CACNA2D3: variants seen among roughly 807,000 people sequenced by gnomAD.
CACNA2D3 encodes the protein voltage-dependent calcium channel subunit alpha-2/delta-3.
Under a neutral mutation model 160.6 loss-of-function variants are expected in CACNA2D3, and 60 were observed. The observed-to-expected ratio is 0.37, with a 90% CI of 0.30 to 0.46. The LOEUF is 0.46. Among genes scored for constraint, CACNA2D3 ranks in the 20% least tolerant of loss-of-function variants. The pLI, the probability that CACNA2D3 is intolerant of heterozygous loss-of-function variation, is 1.00. For synonymous variants in CACNA2D3, 558 were observed against 492.9 expected (o/e 1.13, Z -1.75); for missense variants, 1,205 against 1,365.0 (o/e 0.88, Z 1.85).
intron 11 of CACNA2D3, among the ~76,000 whole-genome samples, chr3:54,749,158 A>C (rs1348007902): frequency 1.3e-5 from 2 of 152,200 alleles, no homozygotes; most frequent in Admixed American, 1.3e-4. Context: ...AAATGGTATA[A>C]AATTTATGAA....
intron 14 of CACNA2D3, 128 bp from the exon 15 acceptor site, chr3:54,837,031 G>A: frequency 3.9e-6 from 3 of 764,478 alleles, no homozygotes; most frequent in Non-Finnish European, 6.9e-6. Flanking sequence ...CTCCACTAAA[G>A]GCTTGAGTGG....
At position 54,533,332 on chromosome 3, in the gene CACNA2D3, C is replaced by CTTTT. The variant is rs60076440; in HGVS notation, c.545-29450_545-29447dup. The stretch of plus-strand genomic sequence containing the variant: ...GGGCTAACGTATTTTCTTTTCTTTC[C>CTTTT]TTTTTTTTTTTTTTTTTTTTTGAGA... On this transcript the variant is annotated intron_variant, in intron 5 of 37. Coordinates refer to ENST00000474759, the MANE Select transcript of CACNA2D3 (RefSeq NM_018398.3). 6.3e-3 allele frequency among the ~76,000 whole-genome samples: 615 copies of CTTTT among 97,246 alleles called. 18 individuals carry two copies. The highest frequency in any genetic ancestry group is 0.02 in the African/African-American group (487 of 24,578). The allele number at this position is 97,246 out of a possible 152,430, so 63.8% of individuals were successfully genotyped here.
intron 17 of CACNA2D3, among the ~76,000 whole-genome samples, chr3:54,852,615 C>T (rs1007695826): frequency 1.3e-5 from 2 of 152,152 alleles, no homozygotes; most frequent in African/African-American, 4.8e-5. Flanking sequence ...ATGGATTCTG[C>T]TTCTTTGTTC....
chr3:54,392,254 C>G (rs567595878), intron 4 of CACNA2D3, among the ~76,000 whole-genome samples: 116 of 152,200 alleles, frequency 7.6e-4, no homozygotes, highest in African/African-American at 2.6e-3. Context: ...AGAATGCGTT[C>G]CCCCTCTTAC....
intron 35 of CACNA2D3, among the ~76,000 whole-genome samples, chr3:55,037,486 C>A (rs1262852702): frequency 1.3e-5 from 2 of 152,178 alleles, no homozygotes; most frequent in African/African-American, 4.8e-5. Context: ...GAACTTGTGT[C>A]CTAGGGTCTT....
At chr3:54,124,788 T>C (rs1321954109) in intron 2 of CACNA2D3, among the ~76,000 whole-genome samples, 1 of 152,254 alleles carries the variant, frequency 6.6e-6, no homozygotes, top group Non-Finnish European at 1.5e-5. Context: ...ATTGAAAGAT[T>C]GCTTGCTCAA....
chr3:54,310,875 C>T (rs76419039), intron 2 of CACNA2D3, among the ~76,000 whole-genome samples: 3,009 of 152,244 alleles, frequency 0.02, 47 homozygotes, highest in Admixed American at 0.054. Context: ...ACCTTACTGT[C>T]AAGGAAAGGA....
At chr3:54,852,901 G>A (rs183480165) in intron 17 of CACNA2D3, among the ~76,000 whole-genome samples, 1 of 152,220 alleles carries the variant, frequency 6.6e-6, no homozygotes, top group East Asian at 1.9e-4. Flanking sequence ...CAAGCAATAG[G>A]CCATAGGAAG....
chr3:54,958,930 C>G (rs540700195), intron 27 of CACNA2D3, among the ~76,000 whole-genome samples: 2 of 152,114 alleles, frequency 1.3e-5, no homozygotes, highest in Admixed American at 1.3e-4. Flanking sequence ...ATGGCAAAAC[C>G]CTGTCTCTAC....
chr3:54,334,864 A>C (rs542704134), intron 3 of CACNA2D3, among the ~76,000 whole-genome samples: 1 of 152,216 alleles, frequency 6.6e-6, no homozygotes, highest in East Asian at 1.9e-4. Context: ...TGGTTTGGGC[A>C]CCAAACTCAC....
chr3:54,633,204 C>T (rs1340676292), intron 10 of CACNA2D3, among the ~76,000 whole-genome samples: 2 of 152,120 alleles, frequency 1.3e-5, no homozygotes, highest in African/African-American at 2.4e-5. Context: ...TACCACCTAT[C>T]CATTTGCTTA....
chr3:54,303,372 T>A (rs1703522678), intron 2 of CACNA2D3, among the ~76,000 whole-genome samples: 1 of 152,244 alleles, frequency 6.6e-6, no homozygotes, highest in Non-Finnish European at 1.5e-5. Flanking sequence ...CTAATTGTAT[T>A]TAATTTCCTG....
intron 3 of CACNA2D3, among the ~76,000 whole-genome samples, chr3:54,339,500 C>T (rs1366556513): frequency 6.6e-6 from 1 of 152,070 alleles, no homozygotes; most frequent in Non-Finnish European, 1.5e-5. Context: ...TTAAAATTAC[C>T]TTTTAAGGCA....
At chr3:54,697,656 C>T (rs1365466562) in intron 11 of CACNA2D3, among the ~76,000 whole-genome samples, 2 of 152,158 alleles carry the variant, frequency 1.3e-5, no homozygotes, top group African/African-American at 4.8e-5. Flanking sequence ...CATGTGCACA[C>T]TTAACTTATT....
chr3:54,125,878 T>A (rs1699581463), intron 2 of CACNA2D3, among the ~76,000 whole-genome samples: 1 of 152,236 alleles, frequency 6.6e-6, no homozygotes, highest in African/African-American at 2.4e-5. Context: ...TCCATTTGCA[T>A]GAGGAATTAC....
intron 2 of CACNA2D3, among the ~76,000 whole-genome samples, chr3:54,274,005 C>T (rs58280479): frequency 6.6e-6 from 1 of 151,852 alleles, no homozygotes; most frequent in Admixed American, 6.6e-5. Flanking sequence ...TTTGAGTGGG[C>T]GTATGGCTGT....
chr3:54,550,334 C>T (rs920451426), intron 5 of CACNA2D3, among the ~76,000 whole-genome samples: 6 of 152,290 alleles, frequency 3.9e-5, no homozygotes, highest in East Asian at 3.9e-4. Context: ...TGCTGGGCCT[C>T]GGTTCCCTCA....
chr3:54,449,947 C>T (rs1457070166), intron 4 of CACNA2D3, among the ~76,000 whole-genome samples: 1 of 152,026 alleles, frequency 6.6e-6, no homozygotes, highest in Non-Finnish European at 1.5e-5. Context: ...ACTATTTGTC[C>T]CGTCTTTTGG....
chr3:54,227,461 T>A (rs1475663665), intron 2 of CACNA2D3, among the ~76,000 whole-genome samples: 1 of 151,810 alleles, frequency 6.6e-6, no homozygotes, highest in African/African-American at 2.4e-5. Context: ...AGAGTAAAAT[T>A]TGGTTTTTTG....
Sources: gnomAD v4.1 joint callset for allele counts (sites outside exome capture counted in the v4.1 genomes callset) on GRCh38, gnomAD v4.1.1 for gene constraint, MANE v1.5 for transcripts, NCBI Gene and HGNC (gene_info 2026-07-23, HGNC 2026-07-21) for gene names.